Variants in ITGB3 observed in about 807,000 individuals in gnomAD.
ITGB3 encodes integrin beta-3.
In ITGB3, 48 loss-of-function variants were observed where a neutral mutation model predicts 85.8. That is an observed-to-expected ratio of 0.56 (90% CI 0.44 to 0.71). The LOEUF is 0.71. ITGB3 is among the 30% of genes least tolerant of loss of function. The pLI is 0.00. For missense variants in ITGB3, 861 were observed against 1,019.1 expected (o/e 0.84, Z 2.11); for synonymous variants, 363 against 395.6 (o/e 0.92, Z 0.98).
At chr17:47,297,136 T>G (rs142406787) in intron 10 of ITGB3, among the ~76,000 whole-genome samples, 5 of 152,342 alleles carry the variant, frequency 3.3e-5, no homozygotes, top group Non-Finnish European at 7.4e-5. Flanking sequence ...CCATTTTCTC[T>G]GTAAGTTAGA....
At chr17:47,274,605 C>T in intron 2 of ITGB3, 101 bp downstream of exon 2, 4 of 966,516 alleles carry the variant, frequency 4.1e-6, no homozygotes, top group Non-Finnish European at 6.6e-6. Flanking sequence ...ATACACATGC[C>T]CCTTATCCCT....
chr17:47,310,028 G>T, intron 14 of ITGB3, 111 bp from the exon 15 acceptor site: 1 of 824,476 alleles, frequency 1.2e-6, no homozygotes, highest in Non-Finnish European at 2.1e-6. Flanking sequence ...CATTGATGAT[G>T]TATTCCAGAG....
Position 47,286,319 on chromosome 17 carries a change from A to G in ITGB3, c.674A>G (p.Gln225Arg), listed in dbSNP as rs775185956. ...GYKHVLTLTD[Q>R]VTRFNEEVKK... Reference sequence around the variant, plus strand: ...AAACACGTGCTGACGCTAACTGACCAGGTGACCCGCTTCAATGAGGAAGTG... The same window carrying G: ...AAACACGTGCTGACGCTAACTGACCGGGTGACCCGCTTCAATGAGGAAGTG... The change falls in exon 5 of 15, where the codon CAG (glutamine) becomes CGG (arginine). Residue 225 changes from glutamine to arginine, a missense_variant. Physicochemically the swap from Gln to Arg is conservative, Grantham distance 43. Transcript: ENST00000559488. 12 of 1,614,232 alleles carry G rather than the reference A, an allele frequency of 7.4e-6. No individual in the cohort carries two copies. Among genetic ancestry groups the G allele is most frequent in the Non-Finnish European group, 9.3e-6 (11 of 1,180,044 alleles).
chr17:47,294,098 G>C (rs1457767513), intron 10 of ITGB3, among the ~76,000 whole-genome samples: 1 of 152,186 alleles, frequency 6.6e-6, no homozygotes. Context: ...ATTTTAGAGA[G>C]AGTTTGGAAG....
chr17:47,281,658 AG>A (rs1221477427), intron 2 of ITGB3, among the ~76,000 whole-genome samples: 1 of 152,148 alleles, frequency 6.6e-6, no homozygotes. Flanking sequence ...AGGGTGAAGG[AG>A]GACACTGAAG....
chr17:47,272,610 A>G (rs1357605117), intron 1 of ITGB3, among the ~76,000 whole-genome samples: 1 of 152,162 alleles, frequency 6.6e-6, no homozygotes, highest in Non-Finnish European at 1.5e-5. Flanking sequence ...AACATTCTGC[A>G]TTACATTGAA....
intron 2 of ITGB3, among the ~76,000 whole-genome samples, chr17:47,280,803 C>A (rs2065081228): frequency 6.6e-6 from 1 of 152,174 alleles, no homozygotes; most frequent in Non-Finnish European, 1.5e-5. Context: ...GCATCCTGTT[C>A]CCTACCTGGG....
chr17:47,271,088 C>T (rs537506584), intron 1 of ITGB3, among the ~76,000 whole-genome samples: 1 of 152,144 alleles, frequency 6.6e-6, no homozygotes, highest in Non-Finnish European at 1.5e-5. Flanking sequence ...TCTCAAGGGA[C>T]TTAAAATCTG....
At chr17:47,272,856 C>T (rs1167865524) in intron 1 of ITGB3, among the ~76,000 whole-genome samples, 2 of 151,934 alleles carry the variant, frequency 1.3e-5, no homozygotes, top group Admixed American at 6.6e-5. Context: ...TAACTGCAAC[C>T]TCTGCCTCCT....
chr17:47,286,234 T>C, intron 4 of ITGB3, 26 bp from the exon 5 acceptor site: 1 of 1,614,036 alleles, frequency 6.2e-7, no homozygotes, highest in Non-Finnish European at 8.5e-7. Context: ...AGGTGTCTGC[T>C]TAAATTATCT....
At chr17:47,307,150 G>A (rs563497712) in intron 13 of ITGB3, among the ~76,000 whole-genome samples, 4 of 146,642 alleles carry the variant, frequency 2.7e-5, no homozygotes, top group African/African-American at 4.9e-5. Flanking sequence ...CCTCCTCCCC[G>A]TCTCCACCCT....
chr17:47,294,478 G>T (rs1189246830), intron 10 of ITGB3, among the ~76,000 whole-genome samples: 1 of 152,222 alleles, frequency 6.6e-6, no homozygotes, highest in Non-Finnish European at 1.5e-5. Context: ...AAACAAAGCT[G>T]ACTGGGTCAG....
At chr17:47,272,049 C>T (rs988751146) in intron 1 of ITGB3, among the ~76,000 whole-genome samples, 7 of 144,358 alleles carry the variant, frequency 4.8e-5, no homozygotes, top group South Asian at 2.2e-4. Flanking sequence ...GCCGCCTCAC[C>T]GGGGCTATTT....
rs1377608200 is a variant in ITGB3, at chr17:47,284,683, AC to A, written c.606del (p.Cys203AlafsTer4). ...ATCTCCCCACCAGAGGCCCTCGAAA[AC>A]CCCTGCTATGAGTAAGTCCCTCCTC... ...MYISPPEALE[N>X]PCYDMKTTCL... On this transcript the variant is annotated frameshift_variant, in exon 4 of 15. Transcript: ENST00000559488. LOFTEE classifies it high-confidence loss of function. The A allele has an allele frequency of 1.2e-6, 2 of 1,613,964 alleles. No homozygotes were observed. The highest frequency in any genetic ancestry group is 2.7e-5 in the African/African-American group (2 of 74,962).
intron 4 of ITGB3, among the ~76,000 whole-genome samples, chr17:47,285,869 G>A (rs997407335): frequency 1.3e-5 from 2 of 152,114 alleles, no homozygotes; most frequent in African/African-American, 2.4e-5. Context: ...CTCGAGCCTC[G>A]CTCTGGTCTA....
At chr17:47,275,026 T>C (rs1438439116) in intron 2 of ITGB3, among the ~76,000 whole-genome samples, 1 of 152,002 alleles carries the variant, frequency 6.6e-6, no homozygotes, top group Non-Finnish European at 1.5e-5. Flanking sequence ...GGGGTATAGG[T>C]ACGGATGGGG....
chr17:47,311,151 C>A lies in ITGB3; in HGVS notation c.*947C>A. 6.5e-6 allele frequency: 1 copy of A among 153,646 alleles called. No homozygotes were observed. Among genetic ancestry groups the A allele is most frequent in the Non-Finnish European group, 1.5e-5 (1 of 68,594 alleles). The allele number at this position is 153,646 out of a possible 1,614,324, so 9.5% of individuals were successfully genotyped here. A position where few individuals can be genotyped will look rare whatever the true frequency, so the allele number is the denominator to read the frequency against. On this transcript the variant is annotated 3_prime_UTR_variant, in exon 15 of 15. Transcript: ENST00000559488. ...AAAGGGAGAGAGTGCTATTGTAGAG[C>A]CAGAGGTCTGGCCCTATGCTTCCGG... is the stretch of plus-strand genomic sequence containing the variant.
At chr17:47,259,813 C>T (rs552213530) in intron 1 of ITGB3, among the ~76,000 whole-genome samples, 2 of 152,248 alleles carry the variant, frequency 1.3e-5, no homozygotes, top group East Asian at 1.9e-4. Context: ...GCAGGAGAAT[C>T]GCTTGAACCC....
intron 13 of ITGB3, among the ~76,000 whole-genome samples, chr17:47,304,035 C>T (rs1464636441): frequency 1.3e-5 from 2 of 152,124 alleles, no homozygotes; most frequent in Non-Finnish European, 2.9e-5. Flanking sequence ...CAGGCGTACA[C>T]TACCACACCT....
Sources: allele counts gnomAD v4.1 joint callset (sites outside exome capture counted in the v4.1 genomes callset), GRCh38; gene constraint gnomAD v4.1.1; transcripts MANE v1.5; gene names NCBI Gene and HGNC (gene_info 2026-07-23, HGNC 2026-07-21).